Variants in OSTN observed in about 807,000 individuals in gnomAD.
The protein encoded by OSTN is osteocrin.
Under a neutral mutation model 12.0 loss-of-function variants are expected in OSTN, and 9 were observed. The observed-to-expected ratio is 0.75, with a 90% CI of 0.45 to 1.30. The LOEUF is 1.30. OSTN is among the 50% of genes most tolerant of loss of function. OSTN has a pLI of 0.00. For missense variants in OSTN, 148 were observed against 152.3 expected (o/e 0.97, Z 0.15); for synonymous variants, 59 against 56.9 (o/e 1.04, Z -0.16).
At chr3:191,249,062 T>C (rs921404402) in intron 3 of OSTN, among the ~76,000 whole-genome samples, 1 of 152,256 alleles carries the variant, frequency 6.6e-6, no homozygotes, top group Non-Finnish European at 1.5e-5. Flanking sequence ...ATTTTTATAA[T>C]ATGCCCTCCT....
chr3:191,218,341 G>A (rs11924006), intron 2 of OSTN, among the ~76,000 whole-genome samples: 15,250 of 152,028 alleles, frequency 0.1, 2,540 homozygotes, highest in African/African-American at 0.35. Flanking sequence ...AAATTCTAAG[G>A]CCAGGTGTTG....
At chr3:191,249,711 C>T (rs147439531) in intron 3 of OSTN, among the ~76,000 whole-genome samples, 48 of 152,216 alleles carry the variant, frequency 3.2e-4, no homozygotes, top group African/African-American at 8.9e-4. Flanking sequence ...TGAAGGGGGA[C>T]GGGATTTTCT....
intron 3 of OSTN, among the ~76,000 whole-genome samples, chr3:191,226,360 C>T: frequency 6.6e-6 from 1 of 152,050 alleles, no homozygotes; most frequent in Admixed American, 6.6e-5. Flanking sequence ...TAAGAAAGTG[C>T]AACAGAATAA....
intron 4 of OSTN, among the ~76,000 whole-genome samples, chr3:191,251,642 A>C (rs1413410521): frequency 1.3e-5 from 2 of 152,222 alleles, no homozygotes; most frequent in Non-Finnish European, 1.5e-5. Flanking sequence ...AAATTTCATT[A>C]TCATGGAGTT....
At chr3:191,228,355 T>G (rs1714965946) in intron 3 of OSTN, among the ~76,000 whole-genome samples, 1 of 152,202 alleles carries the variant, frequency 6.6e-6, no homozygotes, top group African/African-American at 2.4e-5. Context: ...TCAATGGGCA[T>G]TTGGCATTGA....
intron 3 of OSTN, among the ~76,000 whole-genome samples, chr3:191,219,255 G>A (rs191704167): frequency 7.9e-5 from 12 of 152,272 alleles, no homozygotes; most frequent in South Asian, 4.2e-4. Context: ...GGGAGGTGGC[G>A]CAAAATGTAT....
intron 3 of OSTN, among the ~76,000 whole-genome samples, chr3:191,237,060 G>A (rs1053756029): frequency 2.6e-5 from 4 of 152,142 alleles, no homozygotes; most frequent in African/African-American, 9.7e-5. Context: ...GCTAGAGCAA[G>A]CAGGAGGGGA....
chr3:191,206,942 A>C (rs1398764860), intron 1 of OSTN, among the ~76,000 whole-genome samples: 1 of 152,178 alleles, frequency 6.6e-6, no homozygotes, highest in Admixed American at 6.5e-5. Flanking sequence ...CTTACTTATG[A>C]GCCAAGCTGA....
At chr3:191,260,302 C>T (rs1231560014) in intron 4 of OSTN, among the ~76,000 whole-genome samples, 2 of 146,756 alleles carry the variant, frequency 1.4e-5, no homozygotes, top group Non-Finnish European at 3.0e-5. Context: ...ATTCCAGTAA[C>T]AACTCAATCC....
intron 3 of OSTN, among the ~76,000 whole-genome samples, chr3:191,241,349 A>AT (rs1204972442): frequency 9.9e-5 from 15 of 150,872 alleles, no homozygotes; most frequent in East Asian, 3.9e-4. Context: ...CGCCCGGCTA[A>AT]TTTTTTTTGT....
intron 3 of OSTN, among the ~76,000 whole-genome samples, chr3:191,226,428 C>T (rs1288473184): frequency 6.6e-6 from 1 of 152,048 alleles, no homozygotes; most frequent in African/African-American, 2.4e-5. Flanking sequence ...TGTATTTTAG[C>T]CCAAAAGCCA....
chr3:191,230,153 A>T (rs1715015877), intron 3 of OSTN, among the ~76,000 whole-genome samples: 1 of 152,192 alleles, frequency 6.6e-6, no homozygotes, highest in Non-Finnish European at 1.5e-5. Context: ...AACATTTTCA[A>T]ATTCAGTAAT....
At chr3:191,222,506 A>G (rs1236615979) in intron 3 of OSTN, among the ~76,000 whole-genome samples, 2 of 152,132 alleles carry the variant, frequency 1.3e-5, no homozygotes, top group African/African-American at 4.8e-5. Context: ...GTCCCCCCAC[A>G]TTGTATCTAG....
intron 1 of OSTN, among the ~76,000 whole-genome samples, chr3:191,210,921 G>A (rs1714402811): frequency 6.6e-6 from 1 of 152,196 alleles, no homozygotes; most frequent in African/African-American, 2.4e-5. Context: ...ACTAGCAGCA[G>A]GTCAGCCTGA....
intron 4 of OSTN, among the ~76,000 whole-genome samples, chr3:191,258,760 A>C (rs780794940): frequency 2.6e-5 from 4 of 152,154 alleles, no homozygotes; most frequent in African/African-American, 9.7e-5. Context: ...CTTTGCCGCA[A>C]ATACATTTTT....
intron 2 of OSTN, among the ~76,000 whole-genome samples, chr3:191,216,014 T>G (rs773828914): frequency 5.9e-5 from 9 of 152,208 alleles, no homozygotes; most frequent in Non-Finnish European, 1.3e-4. Context: ...CCATGAGGGC[T>G]CCACCCCTTT....
chr3:191,249,763 A>G (rs534151329), intron 3 of OSTN, among the ~76,000 whole-genome samples: 2 of 152,224 alleles, frequency 1.3e-5, no homozygotes, highest in South Asian at 2.1e-4. Flanking sequence ...TGCTGATAAG[A>G]CCTGGCTTTT....
chr3:191,216,171 A>G, intron 2 of OSTN, among the ~76,000 whole-genome samples: 1 of 152,196 alleles, frequency 6.6e-6, no homozygotes, highest in East Asian at 1.9e-4. Flanking sequence ...CTTGGGGCTT[A>G]AACCCTCTGA....
chr3:191,223,547 C>T (rs974100854), intron 3 of OSTN, among the ~76,000 whole-genome samples: 15 of 152,108 alleles, frequency 9.9e-5, no homozygotes, highest in South Asian at 4.1e-4. Flanking sequence ...GATTGCTTCA[C>T]GGCTATTAAC....
Sources: allele counts gnomAD v4.1 joint callset (sites outside exome capture counted in the v4.1 genomes callset), GRCh38; gene constraint gnomAD v4.1.1; transcripts MANE v1.5; gene names NCBI Gene and HGNC (gene_info 2026-07-23, HGNC 2026-07-21).